The following UBE2G1 variants were observed in gnomAD, a reference collection of about 807,000 sequenced individuals.
The protein encoded by UBE2G1 is ubiquitin-conjugating enzyme E2 G1.
In UBE2G1, 5 loss-of-function variants were observed where a neutral mutation model predicts 22.7. The observed-to-expected ratio is 0.22, with a 90% CI of 0.12 to 0.46. The LOEUF is 0.46. Ranked by LOEUF, UBE2G1 falls within the 20% of genes least tolerant of loss-of-function variation. The pLI is 0.99. For synonymous variants in UBE2G1, 74 were observed against 67.5 expected, an observed-to-expected ratio of 1.10 and a Z score of -0.47; for missense variants, 88 against 203.9, an observed-to-expected ratio of 0.43 and a Z score of 3.46.
At chr17:4,356,457 G>A (rs766366171) in intron 1 of UBE2G1, among the ~76,000 whole-genome samples, 1 of 152,218 alleles carries the variant, frequency 6.6e-6, no homozygotes. Flanking sequence ...TTACCTTTGC[G>A]TTCCCGCAGC....
At chr17:4,334,503 G>C (rs1176249269) in intron 1 of UBE2G1, among the ~76,000 whole-genome samples, 1 of 151,940 alleles carries the variant, frequency 6.6e-6, no homozygotes, top group South Asian at 2.1e-4. Flanking sequence ...ACTTGTAACT[G>C]GTTTTAACCC....
rs564210947 is a variant in UBE2G1 at position 4,271,980 on chromosome 17, A to C, written c.*574T>G. The C allele has an allele frequency of 6.6e-6, 1 of 152,666 alleles. No homozygotes were observed. Among genetic ancestry groups the C allele is most frequent in the Non-Finnish European group, 1.5e-5 (1 of 68,042 alleles). The allele number at this position is 152,666 out of a possible 1,614,324, so 9.5% of individuals were successfully genotyped here. ...TCATTTGAGAACATTCTGGCAGGTA[A>C]GAGATAAAAGCAAAGGGGAGTGTGT... On this transcript the variant is annotated 3_prime_UTR_variant, in exon 6 of 6. Coordinates refer to ENST00000396981, the MANE Select transcript of UBE2G1 (RefSeq NM_003342.5).
At chr17:4,359,851 C>CAAAAAAAAAAAAAAAAAAAAAAAAAA (rs35941094) in intron 1 of UBE2G1, among the ~76,000 whole-genome samples, 1 of 107,514 alleles carries the variant, frequency 9.3e-6, no homozygotes. Context: ...GGCTCCATCT[C>CAAAAAAAAAAAAAAAAAAAAAAAAAA]AAAAAAAAAA....
intron 2 of UBE2G1, among the ~76,000 whole-genome samples, chr17:4,300,892 C>T (rs1281892714): frequency 6.7e-6 from 1 of 148,248 alleles, no homozygotes; most frequent in Non-Finnish European, 1.5e-5. Context: ...TGAACCCAGG[C>T]GGCGGAGGTT....
intron 5 of UBE2G1, among the ~76,000 whole-genome samples, chr17:4,273,707 G>A (rs1026949719): frequency 5.6e-5 from 8 of 143,672 alleles, no homozygotes; most frequent in Non-Finnish European, 1.2e-4. Context: ...ATTAATATGT[G>A]CTTTGAAAGG....
At chr17:4,307,921 C>T (rs992521612) in intron 1 of UBE2G1, among the ~76,000 whole-genome samples, 27 of 152,222 alleles carry the variant, frequency 1.8e-4, no homozygotes, top group African/African-American at 5.8e-4. Flanking sequence ...AGGTGAGCAG[C>T]GGTACAGAGC....
chr17:4,273,583 C>T (rs187777466), intron 5 of UBE2G1, among the ~76,000 whole-genome samples: 1 of 152,032 alleles, frequency 6.6e-6, no homozygotes, highest in South Asian at 2.1e-4. Context: ...GCTCAAGCAA[C>T]GCTGCCACCT....
chr17:4,315,487 T>C (rs897776134), intron 1 of UBE2G1, among the ~76,000 whole-genome samples: 63 of 152,016 alleles, frequency 4.1e-4, no homozygotes, highest in Non-Finnish European at 7.1e-4. Flanking sequence ...GCGCCTGTAA[T>C]CCCAGCACTT....
At chr17:4,291,400 A>ACTACAAAAT (rs1458398595) in intron 3 of UBE2G1, among the ~76,000 whole-genome samples, 1 of 151,686 alleles carries the variant, frequency 6.6e-6, no homozygotes, top group Non-Finnish European at 1.5e-5. Context: ...AACTTGTAAC[A>ACTACAAAAT]CTACAAAATT....
At chr17:4,294,141 G>A (rs1393985673) in intron 3 of UBE2G1, among the ~76,000 whole-genome samples, 7 of 152,064 alleles carry the variant, frequency 4.6e-5, no homozygotes, top group Admixed American at 3.9e-4. Context: ...CTAAGACCAG[G>A]CGCGTGGCTC....
chr17:4,321,242 T>A (rs1969433435), intron 1 of UBE2G1, among the ~76,000 whole-genome samples: 1 of 151,970 alleles, frequency 6.6e-6, no homozygotes, highest in African/African-American at 2.4e-5. Context: ...GAACTGTAAG[T>A]CAAAGGAACA....
chr17:4,332,122 T>G (rs776995609), intron 1 of UBE2G1, among the ~76,000 whole-genome samples: 2 of 152,208 alleles, frequency 1.3e-5, no homozygotes, highest in Non-Finnish European at 2.9e-5. Flanking sequence ...TAAAGCTAAG[T>G]ATATATACAT....
chr17:4,274,396 A>G (rs1000303792), intron 5 of UBE2G1, among the ~76,000 whole-genome samples: 3 of 151,924 alleles, frequency 2.0e-5, no homozygotes, highest in Non-Finnish European at 4.4e-5. Context: ...ACGGGGTTTC[A>G]CTGTGTTAGC....
chr17:4,307,065 G>C lies in UBE2G1; in HGVS notation c.105C>G (p.Leu35=). The change falls in exon 2 of 6, where the codon CTC becomes CTG. Residue 35 remains leucine, a synonymous_variant. Coordinates refer to ENST00000396981, the MANE Select transcript of UBE2G1 (RefSeq NM_003342.5). ...CAATAATAAGGACTTCCCATCGGTA[G>C]AGATCATTGTCATCTATTAAACCTG... ...FSAGLIDDND[L]YRWEVLIIGP... is the part of the protein sequence containing the mutation. 1 of 1,614,084 alleles carries C rather than the reference G, an allele frequency of 6.2e-7. No individual in the cohort carries two copies. Among genetic ancestry groups the C allele is most frequent in the Non-Finnish European group, 8.5e-7 (1 of 1,179,978 alleles).
At chr17:4,287,875 A>T (rs946073733) in intron 4 of UBE2G1, among the ~76,000 whole-genome samples, 1 of 152,120 alleles carries the variant, frequency 6.6e-6, no homozygotes. Flanking sequence ...GGATTTAAAA[A>T]GAAAAAAAAA....
intron 1 of UBE2G1, among the ~76,000 whole-genome samples, chr17:4,313,348 A>T (rs192363081): frequency 1.3e-5 from 2 of 152,332 alleles, no homozygotes; most frequent in Non-Finnish European, 2.9e-5. Context: ...AAAATTCCTA[A>T]TACAAACAGA....
At chr17:4,328,872 G>A (rs930479677) in intron 1 of UBE2G1, among the ~76,000 whole-genome samples, 1 of 152,144 alleles carries the variant, frequency 6.6e-6, no homozygotes, top group African/African-American at 2.4e-5. Flanking sequence ...AGATCACGAG[G>A]TCAGGAGATC....
intron 1 of UBE2G1, among the ~76,000 whole-genome samples, chr17:4,316,494 C>T (rs990754521): frequency 1.4e-4 from 21 of 152,146 alleles, no homozygotes; most frequent in Non-Finnish European, 2.1e-4. Flanking sequence ...AAAACGTTCC[C>T]GTCCTTCAAC....
intron 2 of UBE2G1, among the ~76,000 whole-genome samples, chr17:4,305,147 G>GGC: frequency 6.6e-6 from 1 of 151,888 alleles, no homozygotes; most frequent in Non-Finnish European, 1.5e-5. Context: ...TAGAGACAGG[G>GGC]TTTCTCCATG....
Sources: allele counts gnomAD v4.1 joint callset (sites outside exome capture counted in the v4.1 genomes callset), GRCh38; gene constraint gnomAD v4.1.1; transcripts MANE v1.5; gene names NCBI Gene and HGNC (gene_info 2026-07-23, HGNC 2026-07-21).